SNTB1: variants seen among roughly 807,000 people sequenced by gnomAD.
SNTB1 encodes the protein beta-1-syntrophin.
In SNTB1, 36 loss-of-function variants were observed where a neutral mutation model predicts 48.9. That is an observed-to-expected ratio of 0.74 (90% CI 0.56 to 0.97). The LOEUF is 0.97. SNTB1 is among the 50% of genes least tolerant of loss of function. The pLI, the probability that SNTB1 is intolerant of heterozygous loss-of-function variation, is 0.00. For missense variants in SNTB1, 786 were observed against 703.4 expected (o/e 1.12, Z -1.33); for synonymous variants, 299 against 294.6 (o/e 1.01, Z -0.15).
intron 4 of SNTB1, among the ~76,000 whole-genome samples, chr8:120,552,007 C>A (rs1331687411): frequency 6.6e-6 from 1 of 152,158 alleles, no homozygotes; most frequent in Non-Finnish European, 1.5e-5. Context: ...ATTTTCCATA[C>A]CCTAAATTTC....
intron 3 of SNTB1, among the ~76,000 whole-genome samples, chr8:120,580,617 T>C (rs779621943): frequency 1.5e-4 from 23 of 152,226 alleles, no homozygotes; most frequent in Admixed American, 6.5e-4. Flanking sequence ...GGCTTTTGTA[T>C]TGCAGATCGT....
At chr8:120,763,567 A>C in intron 1 of SNTB1, among the ~76,000 whole-genome samples, 1 of 152,346 alleles carries the variant, frequency 6.6e-6, no homozygotes, top group East Asian at 1.9e-4. Context: ...AAAAGTCAAT[A>C]AACTTGACTA....
At chr8:120,594,799 A>G (rs1816297030) in intron 3 of SNTB1, among the ~76,000 whole-genome samples, 1 of 152,100 alleles carries the variant, frequency 6.6e-6, no homozygotes, top group South Asian at 2.1e-4. Flanking sequence ...CATGTGCAAA[A>G]GTAAAGGCAA....
At chr8:120,759,592 C>T (rs773456102) in intron 1 of SNTB1, among the ~76,000 whole-genome samples, 5 of 152,182 alleles carry the variant, frequency 3.3e-5, no homozygotes, top group Non-Finnish European at 5.9e-5. Context: ...CTTCTCAGTT[C>T]TCAGGAAGCG....
intron 4 of SNTB1, 90 bp downstream of exon 4, chr8:120,574,996 G>A: frequency 6.6e-7 from 1 of 1,509,426 alleles, no homozygotes; most frequent in South Asian, 1.2e-5. Flanking sequence ...CTGCAATAGT[G>A]AGCAGTAATA....
intron 2 of SNTB1, among the ~76,000 whole-genome samples, chr8:120,670,310 G>A (rs542494928): frequency 6.4e-4 from 98 of 152,324 alleles, no homozygotes; most frequent in African/African-American, 2.3e-3. Context: ...TTTGAAGTCA[G>A]AAAGGGCTAG....
chr8:120,632,551 C>T lies in SNTB1; in HGVS notation c.889G>A (p.Val297Ile), dbSNP rs549838114. The T allele has an allele frequency of 2.0e-5, 32 of 1,614,126 alleles. No individual in the cohort carries two copies. The African/African-American group carries it at 2.0e-4, about 10-fold the overall frequency. ...ATCACTCGGGTCAGCAGGTCATTAA[C>T]GTTGGAATGGATGGCACTGAACCAT... ...QAWFSAIHSN[V>I]NDLLTRVIAE... The change falls in exon 3 of 7, where the codon GTT becomes ATT. Residue 297 changes from valine to isoleucine, a missense_variant. Val to Ile is a conservative substitution (Grantham distance 29). Transcript: ENST00000517992.
At chr8:120,754,867 T>A (rs1265569268) in intron 1 of SNTB1, among the ~76,000 whole-genome samples, 1 of 152,174 alleles carries the variant, frequency 6.6e-6, no homozygotes, top group African/African-American at 2.4e-5. Context: ...CATCATTTAA[T>A]ACATTATGGA....
At chr8:120,712,459 T>C (rs929436571) in intron 1 of SNTB1, among the ~76,000 whole-genome samples, 3 of 150,258 alleles carry the variant, frequency 2.0e-5, no homozygotes, top group Non-Finnish European at 3.0e-5. Flanking sequence ...ATTATTCATA[T>C]AGTGAATGAG....
chr8:120,789,907 A>T (rs1300707212), intron 1 of SNTB1, among the ~76,000 whole-genome samples: 1 of 152,034 alleles, frequency 6.6e-6, no homozygotes, highest in Non-Finnish European at 1.5e-5. Flanking sequence ...TCACCCTGAT[A>T]CCAAAACCAG....
chr8:120,651,197 A>C (rs935979364), intron 2 of SNTB1, among the ~76,000 whole-genome samples: 1 of 152,086 alleles, frequency 6.6e-6, no homozygotes, highest in Non-Finnish European at 1.5e-5. Flanking sequence ...CTATAGTCCA[A>C]CTCCCTTCCA....
chr8:120,554,008 A>C (rs987096327), intron 4 of SNTB1, among the ~76,000 whole-genome samples: 4 of 152,218 alleles, frequency 2.6e-5, no homozygotes, highest in Non-Finnish European at 4.4e-5. Context: ...AAAGAAAAAA[A>C]AAATTCTATA....
In SNTB1 at chr8:120,693,809, C is replaced by T. The variant is rs769118341; in HGVS notation, c.671G>A (p.Gly224Asp). 3.7e-6 allele frequency: 6 copies of T among 1,614,070 alleles called. No individual in the cohort carries two copies. The highest frequency in any genetic ancestry group is 1.1e-5 in the South Asian group (1 of 91,066). ...TPPPESPRLG[G>D]STSDPPSSQS... ...CGATGACGGGGGGTCTGAGGTGCTG[C>T]CCCCTAACCGAGGGGATTCAGGCGG... Residue 224 changes from glycine to aspartate, a missense_variant, in exon 2 of 7, where the codon GGC becomes GAC. Coordinates refer to ENST00000517992, the MANE Select transcript of SNTB1 (RefSeq NM_021021.4).
chr8:120,760,456 A>T (rs1819398906), intron 1 of SNTB1, among the ~76,000 whole-genome samples: 1 of 152,184 alleles, frequency 6.6e-6, no homozygotes, highest in African/African-American at 2.4e-5. Context: ...CATTGGGTAG[A>T]CATATTTAAA....
intron 1 of SNTB1, among the ~76,000 whole-genome samples, chr8:120,810,854 T>C (rs1820413648): frequency 1.3e-5 from 2 of 152,188 alleles, no homozygotes; most frequent in Admixed American, 1.3e-4. Context: ...AATTACGCAG[T>C]AGCCCTGCTT....
chr8:120,810,110 C>T (rs1267867198), intron 1 of SNTB1, among the ~76,000 whole-genome samples: 1 of 152,170 alleles, frequency 6.6e-6, no homozygotes, highest in Non-Finnish European at 1.5e-5. Context: ...CTCATTTATT[C>T]ATTTACTCAG....
chr8:120,579,207 A>C (rs58116923), intron 3 of SNTB1, among the ~76,000 whole-genome samples: 7 of 97,150 alleles, frequency 7.2e-5, no homozygotes, highest in East Asian at 2.5e-4. Context: ...CAAACAAACA[A>C]ACAAACAAAG....
rs371818680 is a variant in SNTB1 at position 120,562,066 on chromosome 8, A to G, written c.1136+13020T>C. On this transcript the variant is annotated intron_variant, in intron 4 of 6. Coordinates refer to ENST00000517992, the MANE Select transcript of SNTB1 (RefSeq NM_021021.4). The stretch of plus-strand genomic sequence containing the variant: ...TAACCTCAGTCCTTAGAGCTCGATT[A>G]CTGTGATTTAAGACACTGGGATTCC... Among the ~76,000 whole-genome samples the G allele has an allele frequency of 2.2e-4, 34 of 152,362 alleles. No homozygotes were observed. The South Asian group carries it at 6.8e-3, about 31-fold the overall frequency.
At chr8:120,591,265 T>C (rs973829194) in intron 3 of SNTB1, among the ~76,000 whole-genome samples, 3 of 152,214 alleles carry the variant, frequency 2.0e-5, no homozygotes, top group African/African-American at 7.2e-5. Flanking sequence ...ACAATTTACT[T>C]CTTCCTTCAG....
Sources: allele counts gnomAD v4.1 joint callset (sites outside exome capture counted in the v4.1 genomes callset), GRCh38; gene constraint gnomAD v4.1.1; transcripts MANE v1.5; gene names NCBI Gene and HGNC (gene_info 2026-07-23, HGNC 2026-07-21).